SDK1: variants seen among roughly 807,000 people sequenced by gnomAD.
The protein encoded by SDK1 is sidekick cell adhesion molecule 1, also known as protein sidekick-1.
A neutral mutation model predicts 245.5 loss-of-function variants in SDK1; 157 were observed. The ratio of observed to expected loss-of-function variants is 0.64; its 90% CI spans 0.56 to 0.73. The LOEUF is 0.73. SDK1 is among the 30% of genes least tolerant of loss of function. The pLI is 0.00. For missense variants in SDK1, 3,583 were observed against 3,002.3 expected, an observed-to-expected ratio of 1.19 and a Z score of -4.52; for synonymous variants, 1,647 against 1,278.5, an observed-to-expected ratio of 1.29 and a Z score of -6.15.
intron 1 of SDK1, among the ~76,000 whole-genome samples, chr7:3,608,041 G>T (rs762775472): frequency 1.3e-5 from 2 of 152,198 alleles, no homozygotes; most frequent in Admixed American, 6.5e-5. Flanking sequence ...AAAAGCAGTC[G>T]TGAGAAAACT....
intron 35 of SDK1, among the ~76,000 whole-genome samples, chr7:4,196,784 C>T (rs566563987): frequency 3.3e-5 from 5 of 152,306 alleles, no homozygotes; most frequent in African/African-American, 4.8e-5. Context: ...GCACACAGAT[C>T]CTACCTCATG....
At chr7:4,090,252 A>C (rs908120304) in intron 22 of SDK1, among the ~76,000 whole-genome samples, 2 of 152,202 alleles carry the variant, frequency 1.3e-5, no homozygotes, top group African/African-American at 4.8e-5. Flanking sequence ...AGATTCTTTA[A>C]AAACCTCATT....
intron 1 of SDK1, among the ~76,000 whole-genome samples, chr7:3,388,508 C>A (rs940391674): frequency 3.3e-5 from 5 of 151,868 alleles, no homozygotes; most frequent in Non-Finnish European, 7.4e-5. Flanking sequence ...TCAAGCGATC[C>A]CCCCATCTTA....
At chr7:3,732,561 T>TA (rs1438325811) in intron 4 of SDK1, among the ~76,000 whole-genome samples, 32 of 152,358 alleles carry the variant, frequency 2.1e-4, no homozygotes, top group Admixed American at 1.8e-3. Context: ...TGCTAATAAT[T>TA]ACACTTTTGT....
intron 32 of SDK1, among the ~76,000 whole-genome samples, chr7:4,172,834 C>A (rs565155934): frequency 2.2e-4 from 34 of 152,146 alleles, no homozygotes; most frequent in Admixed American, 2.2e-3. Flanking sequence ...TCGGGTGTTC[C>A]CCCTGTGTGT....
intron 35 of SDK1, among the ~76,000 whole-genome samples, chr7:4,199,153 G>C (rs1325931596): frequency 6.6e-6 from 1 of 152,154 alleles, no homozygotes; most frequent in African/African-American, 2.4e-5. Flanking sequence ...TTCTCCAACA[G>C]GTTGAATTTT....
Position 3,418,150 on chromosome 7 carries a change from A to C in SDK1, c.298+116266A>C, listed in dbSNP as rs915990698. ...ACCCGATCTCTACTAAAAATGAAAA[A>C]AAAAAAAAAAAAAAAAAATAGCTGA... On this transcript the variant is annotated intron_variant, in intron 1 of 44. Coordinates refer to ENST00000404826, the MANE Select transcript of SDK1 (RefSeq NM_152744.4). Among the ~76,000 whole-genome samples, 355 of 55,590 alleles carry C rather than the reference A, an allele frequency of 6.4e-3. 9 individuals are homozygous for C. Among genetic ancestry groups the C allele is most frequent in the African/African-American group, 0.012 (336 of 27,138 alleles). The allele number at this position is 55,590 out of a possible 152,430, so 36.5% of individuals were successfully genotyped here. A position where few individuals can be genotyped will look rare whatever the true frequency, so the allele number is the denominator to read the frequency against.
At chr7:3,389,782 G>T (rs539699682) in intron 1 of SDK1, among the ~76,000 whole-genome samples, 1 of 152,164 alleles carries the variant, frequency 6.6e-6, no homozygotes, top group African/African-American at 2.4e-5. Flanking sequence ...TAACGTGGAA[G>T]TTGGTACCTG....
chr7:3,816,843 G>A (rs1776927050), intron 4 of SDK1, among the ~76,000 whole-genome samples: 1 of 152,010 alleles, frequency 6.6e-6, no homozygotes. Flanking sequence ...TTAAAATGGA[G>A]AATATTTTGA....
At chr7:4,002,354 T>C (rs954123024) in intron 14 of SDK1, among the ~76,000 whole-genome samples, 21 of 152,296 alleles carry the variant, frequency 1.4e-4, no homozygotes, top group African/African-American at 5.1e-4. Flanking sequence ...CTTTCAAAAC[T>C]GTGTTATTTC....
At chr7:3,738,045 G>A (rs973214236) in intron 4 of SDK1, among the ~76,000 whole-genome samples, 2 of 152,194 alleles carry the variant, frequency 1.3e-5, no homozygotes. Context: ...GTGAGGGGAC[G>A]AAAGCTGGGG....
chr7:4,034,547 C>T (rs114117526), intron 17 of SDK1, among the ~76,000 whole-genome samples: 64 of 152,248 alleles, frequency 4.2e-4, no homozygotes, highest in African/African-American at 1.5e-3. Context: ...TTATCTTTGG[C>T]GTTTAAAAAT....
intron 4 of SDK1, among the ~76,000 whole-genome samples, chr7:3,814,900 T>C (rs1483706665): frequency 1.3e-5 from 2 of 152,148 alleles, no homozygotes; most frequent in African/African-American, 4.8e-5. Flanking sequence ...TCACTCATGA[T>C]TTGGCTCTCT....
chr7:3,349,373 G>T (rs923592101), intron 1 of SDK1, among the ~76,000 whole-genome samples: 1 of 151,886 alleles, frequency 6.6e-6, no homozygotes, highest in Non-Finnish European at 1.5e-5. Context: ...AAAGAAGCCT[G>T]CTCCTCCAAC....
intron 36 of SDK1, 141 bp from the exon 37 acceptor site, chr7:4,207,958 A>G: frequency 1.5e-6 from 1 of 656,122 alleles, no homozygotes; most frequent in Non-Finnish European, 2.7e-6. Context: ...TTCCTCCAGG[A>G]GGGAGCCTTT....
intron 1 of SDK1, among the ~76,000 whole-genome samples, chr7:3,380,581 G>T (rs1781461326): frequency 6.6e-6 from 1 of 152,240 alleles, no homozygotes; most frequent in Admixed American, 6.5e-5. Context: ...AACAAATTCA[G>T]ATGAACAGTT....
At chr7:4,003,984 G>A (rs537592796) in intron 14 of SDK1, among the ~76,000 whole-genome samples, 1 of 152,350 alleles carries the variant, frequency 6.6e-6, no homozygotes, top group East Asian at 1.9e-4. Flanking sequence ...ATGAGATGTG[G>A]AGTTTGCACA....
chr7:3,303,406 T>C (rs1317400949), intron 1 of SDK1, among the ~76,000 whole-genome samples: 1 of 152,188 alleles, frequency 6.6e-6, no homozygotes, highest in East Asian at 1.9e-4. Flanking sequence ...GTGCACAGAC[T>C]GAAATGGTGG....
intron 1 of SDK1, among the ~76,000 whole-genome samples, chr7:3,587,045 C>A (rs985352558): frequency 6.6e-6 from 1 of 152,206 alleles, no homozygotes; most frequent in African/African-American, 2.4e-5. Flanking sequence ...GTGCAGACAT[C>A]TGGGCTTTGG....
Sources: allele counts gnomAD v4.1 joint callset (sites outside exome capture counted in the v4.1 genomes callset), GRCh38; gene constraint gnomAD v4.1.1; transcripts MANE v1.5; gene names NCBI Gene and HGNC (gene_info 2026-07-23, HGNC 2026-07-21).